Variants in PFKFB1 observed in about 807,000 individuals in gnomAD.
The protein encoded by PFKFB1 is 6-phosphofructo-2-kinase/fructose-2,6-bisphosphatase 1.
Under a neutral mutation model 46.4 loss-of-function variants are expected in PFKFB1, and 34 were observed. The observed-to-expected ratio is 0.73, with a 90% CI of 0.56 to 0.98. The LOEUF (loss-of-function observed/expected upper bound fraction) is 0.98. Among genes scored for constraint, PFKFB1 ranks in the 50% least tolerant of loss-of-function variants. The probability of loss-of-function intolerance (pLI) is 0.00; values close to 1 mark genes in which losing one functional copy is unlikely to be tolerated. For missense variants in PFKFB1, 393 were observed against 376.3 expected (o/e 1.04, Z -0.37); for synonymous variants, 119 against 133.8 (o/e 0.89, Z 0.76).
chrX:54,962,448 T>C (rs940143228), intron 2 of PFKFB1, among the ~76,000 whole-genome samples: 10 of 112,392 alleles, frequency 8.9e-5, no homozygotes, highest in Admixed American at 1.9e-4. Context: ...TCAGAACTCC[T>C]CAAGGACAGG....
intron 7 of PFKFB1, 71 bp from the exon 8 acceptor site, chrX:54,952,183 C>A: frequency 1.2e-6 from 1 of 806,065 alleles, no homozygotes; most frequent in Non-Finnish European, 1.8e-6. Context: ...CCGAGAGAAA[C>A]CCCGAACCAC....
chrX:54,970,072 C>A (rs1427947835), intron 1 of PFKFB1, among the ~76,000 whole-genome samples: 1 of 110,716 alleles, frequency 9.0e-6, no homozygotes, highest in Non-Finnish European at 1.9e-5. Context: ...CCACACTTGG[C>A]TAATTTTTGT....
chrX:54,973,477 T>C (rs761408096), intron 1 of PFKFB1, among the ~76,000 whole-genome samples: 18 of 111,532 alleles, frequency 1.6e-4, no homozygotes, highest in East Asian at 5.6e-4. Flanking sequence ...TGTGGGCATT[T>C]AGTGCTATAA....
intron 1 of PFKFB1, among the ~76,000 whole-genome samples, chrX:54,972,997 T>C (rs1934724994): frequency 8.9e-6 from 1 of 111,763 alleles, no homozygotes; most frequent in Non-Finnish European, 1.9e-5. Flanking sequence ...AAGCTATTGA[T>C]TATTGCTACA....
Position 54,933,479 on chromosome X carries a change from G to C in PFKFB1, c.1357-17C>G, listed in dbSNP as rs775520863. 2.6e-6 allele frequency: 3 copies of C among 1,175,559 alleles called. No homozygotes were observed. In the African/African-American group the frequency reaches 5.3e-5, roughly 21 times the overall value. On this transcript the variant is annotated splice_polypyrimidine_tract_variant and intron_variant, in intron 13 of 13. Transcript: ENST00000375006. ...GTCCACATTCTGAGGAGAGAGCGCA[G>C]GATTAATAGGAAGGAGACAGCAGTG...
chrX:54,958,555 A>G (rs1934221617), intron 5 of PFKFB1, among the ~76,000 whole-genome samples, 193 bp from the exon 6 acceptor site: 2 of 110,515 alleles, frequency 1.8e-5, no homozygotes, highest in Admixed American at 1.9e-4. Flanking sequence ...ATGACCCCAG[A>G]CTGTTGTTTT....
At chrX:54,994,223 T>A, upstream of PFKFB1, 1 of 1,029,475 alleles carries the variant, frequency 9.7e-7, no homozygotes, top group Non-Finnish European at 1.2e-6. Context: ...TATGTACTAG[T>A]GGGGTATTGG....
rs1218401377 is a variant in PFKFB1, at chrX:54,994,069, ACTAG to A, written c.-66_-63del. ...GGTACCTGGCCTCACTTCCTATCTTACTAGCTGTCTTTTCTCTCGCTGTGGCCAC... is the reference window on the plus strand; with the variant it reads ...GGTACCTGGCCTCACTTCCTATCTTACTGTCTTTTCTCTCGCTGTGGCCAC... On this transcript the variant is annotated 5_prime_UTR_variant, in exon 1 of 14. Coordinates refer to ENST00000375006, the MANE Select transcript of PFKFB1 (RefSeq NM_002625.4). The A allele has an allele frequency of 2.1e-5, 24 of 1,160,951 alleles. No individual in the cohort carries two copies. Among genetic ancestry groups the A allele is most frequent in the Non-Finnish European group, 2.8e-5 (24 of 869,042 alleles).
chrX:54,978,956 G>A (rs1021297532), intron 1 of PFKFB1, among the ~76,000 whole-genome samples: 7 of 111,780 alleles, frequency 6.3e-5, no homozygotes, highest in Non-Finnish European at 1.3e-4. Flanking sequence ...TAATCCCAAC[G>A]TGGTATGCTG....
At chrX:54,977,036 A>G (rs750317145) in intron 1 of PFKFB1, among the ~76,000 whole-genome samples, 8 of 110,391 alleles carry the variant, frequency 7.2e-5, no homozygotes, top group African/African-American at 2.6e-4. Context: ...AGGGTGATGG[A>G]ATTGTTCTAT....
At chrX:54,971,278 T>A (rs1486400103) in intron 1 of PFKFB1, among the ~76,000 whole-genome samples, 3 of 79,392 alleles carry the variant, frequency 3.8e-5, no homozygotes, top group African/African-American at 9.5e-5. Context: ...TTTCTCCCAT[T>A]TTGTAGGTTG....
At chrX:54,965,943 A>C (rs1342543311) in intron 1 of PFKFB1, among the ~76,000 whole-genome samples, 1 of 111,132 alleles carries the variant, frequency 9.0e-6, no homozygotes, top group Non-Finnish European at 1.9e-5. Context: ...CATGAGACAA[A>C]ATGGGATCAC....
At chrX:54,950,120 G>C (rs1468613740) in intron 8 of PFKFB1, among the ~76,000 whole-genome samples, 2 of 112,479 alleles carry the variant, frequency 1.8e-5, no homozygotes, top group East Asian at 5.6e-4. Context: ...GTCGTTAACT[G>C]CTGACGGCAT....
At chrX:54,975,985 CT>C (rs2146667560) in intron 1 of PFKFB1, among the ~76,000 whole-genome samples, 1 of 111,152 alleles carries the variant, frequency 9.0e-6, no homozygotes, top group Non-Finnish European at 1.9e-5. Flanking sequence ...AACTATAAAA[CT>C]TCTAAAAAAA....
At chrX:54,958,830 A>C (rs769660182) in intron 5 of PFKFB1, 21 bp downstream of exon 5, 6 of 1,068,725 alleles carry the variant, frequency 5.6e-6, no homozygotes, top group Non-Finnish European at 7.8e-6. Context: ...GCTCTAGATA[A>C]GAGTTGGAGT....
intron 1 of PFKFB1, among the ~76,000 whole-genome samples, chrX:54,977,652 G>A (rs958634338): frequency 1.2e-4 from 13 of 111,240 alleles, no homozygotes; most frequent in African/African-American, 4.2e-4. Context: ...TCTGTCTGCT[G>A]AGCGGGCTAG....
chrX:54,944,392 A>G (rs1356521557), intron 10 of PFKFB1, among the ~76,000 whole-genome samples: 1 of 112,005 alleles, frequency 8.9e-6, no homozygotes, highest in Non-Finnish European at 1.9e-5. Flanking sequence ...TAATTACAAT[A>G]AAAGTAAATA....
chrX:54,937,323 C>T (rs1281356744), intron 11 of PFKFB1, among the ~76,000 whole-genome samples: 1 of 111,969 alleles, frequency 8.9e-6, no homozygotes, highest in East Asian at 2.8e-4. Context: ...ATAGCCCACA[C>T]AATGTGTCAT....
chrX:54,951,047 T>G (rs1329026218), intron 8 of PFKFB1, among the ~76,000 whole-genome samples: 1 of 113,247 alleles, frequency 8.8e-6, no homozygotes, highest in African/African-American at 3.2e-5. Flanking sequence ...TGACTGTGCA[T>G]AGGTGTCCAA....
Sources: allele counts gnomAD v4.1 joint callset (sites outside exome capture counted in the v4.1 genomes callset), GRCh38; gene constraint gnomAD v4.1.1; transcripts MANE v1.5; gene names NCBI Gene and HGNC (gene_info 2026-07-23, HGNC 2026-07-21).